PIP: variants seen among roughly 807,000 people sequenced by gnomAD.
PIP encodes prolactin induced protein.
PIP carries 9 observed loss-of-function variants against 12.8 expected under a neutral mutation model. That is an observed-to-expected ratio of 0.70 (90% confidence interval 0.42 to 1.23). The LOEUF (loss-of-function observed/expected upper bound fraction) is 1.23. PIP is among the 50% of genes most tolerant of loss of function. The pLI is 0.00. For synonymous variants in PIP, 60 were observed against 66.1 expected (o/e 0.91, Z 0.45); for missense variants, 172 against 179.5 (o/e 0.96, Z 0.24).
In PIP at chr7:143,139,662, C is replaced by T. The variant is rs750062333; in HGVS notation, c.*20C>T. On this transcript the variant is annotated 3_prime_UTR_variant, in exon 4 of 4. Coordinates refer to ENST00000291009, the MANE Select transcript of PIP (RefSeq NM_002652.3). ...GAATAATGGAAGCCCTGTCTGTTTG[C>T]CACACCCAGGTGATTTCCTCTAAAG... 6.3e-7 allele frequency: 1 copy of T among 1,597,836 alleles called. No individual in the cohort carries two copies. The highest frequency in any genetic ancestry group is 8.6e-7 in the Non-Finnish European group (1 of 1,166,956).
rs148631037 is a variant in PIP at position 143,135,808 on chromosome 7, T to G, written c.201+509T>G. On this transcript the variant is annotated intron_variant, in intron 2 of 3. Transcript: ENST00000291009. ...GCTCTGGGTCACCAGAAGTGGACTC[T>G]TGTTCCAGCCTCCCCACCCTGACAA... 4.2e-3 allele frequency among the ~76,000 whole-genome samples: 634 copies of G among 152,172 alleles called. 4 individuals are homozygous for G. Among genetic ancestry groups the G allele is most frequent in the African/African-American group, 0.014 (602 of 41,540 alleles).
chr7:143,137,956 C>T (rs559407277), intron 2 of PIP, among the ~76,000 whole-genome samples: 1 of 151,398 alleles, frequency 6.6e-6, no homozygotes. Context: ...AAAGAAACGC[C>T]AGGATTCTCC....
chr7:143,136,629 A>C (rs905695910), intron 2 of PIP, among the ~76,000 whole-genome samples: 1 of 152,042 alleles, frequency 6.6e-6, no homozygotes, highest in Non-Finnish European at 1.5e-5. Context: ...CATGTACATA[A>C]TGTGTACATA....
intron 2 of PIP, among the ~76,000 whole-genome samples, chr7:143,137,347 A>C (rs1799319302): frequency 6.6e-6 from 1 of 152,166 alleles, no homozygotes; most frequent in Non-Finnish European, 1.5e-5. Flanking sequence ...TTTGTGATGC[A>C]GTAAGGTATG....
Position 143,132,222 on chromosome 7 carries a change from C to T in PIP, c.95+11C>T. ...AGCTCAGGACAACACGTGAGCCATG[C>T]CCTTCTCCTCCCCACAAAAAAAATT... On this transcript the variant is annotated intron_variant, in intron 1 of 3. Transcript: ENST00000291009. 5 of 1,612,196 alleles carry T rather than the reference C, an allele frequency of 3.1e-6. No homozygotes were observed. Among genetic ancestry groups the T allele is most frequent in the Non-Finnish European group, 3.4e-6 (4 of 1,178,808 alleles).
Position 143,135,324 on chromosome 7 carries a change from C to T in PIP, c.201+25C>T, listed in dbSNP as rs766705997. ...GGTAAGTAGAGGACTGGGGGCGTGA[C>T]TTCAAAAGATAATTCAACTCCTTGA... On this transcript the variant is annotated intron_variant, in intron 2 of 3. Coordinates refer to ENST00000291009, the MANE Select transcript of PIP (RefSeq NM_002652.3). 6.6e-6 allele frequency: 7 copies of T among 1,058,014 alleles called. No homozygotes were observed. In the Admixed American group the frequency reaches 1.2e-4, roughly 18 times the overall value. The allele number at this position is 1,058,014 out of a possible 1,614,324, so 65.5% of individuals were successfully genotyped here.
chr7:143,139,200 A>G lies in PIP; in HGVS notation c.316+11A>G. 1 of 1,438,968 alleles carries G rather than the reference A, an allele frequency of 6.9e-7. No individual in the cohort carries two copies. The highest frequency in any genetic ancestry group is 9.8e-7 in the Non-Finnish European group (1 of 1,019,640). 89.1% of individuals were successfully genotyped at this position (1,438,968 alleles called of 1,614,324 possible). Reference sequence around the variant, plus strand: ...ACTTTTACACCAACAGTAAGTACAGAAGTTGTCCAAGGAGGGAACTACCCA... The same window carrying G: ...ACTTTTACACCAACAGTAAGTACAGGAGTTGTCCAAGGAGGGAACTACCCA... On this transcript the variant is annotated intron_variant, in intron 3 of 3. Coordinates refer to ENST00000291009, the MANE Select transcript of PIP (RefSeq NM_002652.3).
At chr7:143,137,977 G>C (rs1231111797) in intron 2 of PIP, among the ~76,000 whole-genome samples, 2 of 151,866 alleles carry the variant, frequency 1.3e-5, no homozygotes, top group Non-Finnish European at 2.9e-5. Context: ...AAGGCATTCT[G>C]AGTAAAACTC....
At chr7:143,134,445 A>C (rs315282) in intron 1 of PIP, among the ~76,000 whole-genome samples, 46,041 of 150,872 alleles carry the variant, frequency 0.31, 10,170 homozygotes, top group African/African-American at 0.62. Context: ...ACACTGTTTT[A>C]CATAGTGGTT....
At position 143,138,697 on chromosome 7, in the gene PIP, G is replaced by T. The variant is rs890466965; in HGVS notation, c.202-378G>T. 2.6e-5 allele frequency among the ~76,000 whole-genome samples: 4 copies of T among 152,128 alleles called. No individual in the cohort carries two copies. In the East Asian group the frequency reaches 7.7e-4, roughly 29 times the overall value. ...GCTCCTACACGCAAGTGGCCAGGCT[G>T]CTGTCTCACCAGGTCTCAGAGTAAA... is the stretch of plus-strand genomic sequence containing the variant. On this transcript the variant is annotated intron_variant, in intron 2 of 3. Transcript: ENST00000291009.
At chr7:143,137,554 A>G (rs1000641381) in intron 2 of PIP, among the ~76,000 whole-genome samples, 2 of 152,100 alleles carry the variant, frequency 1.3e-5, no homozygotes, top group African/African-American at 4.8e-5. Context: ...CTTTTATTGT[A>G]CAAGTGGTGT....
At position 143,139,547 on chromosome 7, in the gene PIP, G is replaced by A; in HGVS notation, c.346G>A (p.Val116Ile). The A allele has an allele frequency of 1.2e-6, 2 of 1,613,160 alleles. No homozygotes were observed. The highest frequency in any genetic ancestry group is 1.1e-5 in the South Asian group (1 of 91,070). The change falls in exon 4 of 4, where the codon GTT becomes ATT. Residue 116 changes from valine to isoleucine, a missense_variant. Transcript: ENST00000291009. Reference protein sequence around the residue: ...RTVQIAAVVDVIRELGICPDD... With the variant: ...RTVQIAAVVDIIRELGICPDD... ...TGTGCAAATTGCAGCCGTCGTTGAT[G>A]TTATTCGGGAATTAGGCATCTGCCC...
intron 2 of PIP, among the ~76,000 whole-genome samples, chr7:143,135,968 G>T (rs1000035657): frequency 1.3e-5 from 2 of 151,998 alleles, no homozygotes; most frequent in Non-Finnish European, 2.9e-5. Flanking sequence ...CATTCAGCAG[G>T]TCTGGGGAGA....
At chr7:143,139,477 C>G (rs200758998) in intron 3 of PIP, 41 bp from the exon 4 acceptor site, 1 of 1,607,546 alleles carries the variant, frequency 6.2e-7, no homozygotes, top group African/African-American at 1.3e-5. Context: ...AGGACATGGC[C>G]GGGGTGTCTG....
chr7:143,137,885 G>T (rs1799326816), intron 2 of PIP, among the ~76,000 whole-genome samples: 1 of 149,708 alleles, frequency 6.7e-6, no homozygotes, highest in South Asian at 2.1e-4. Context: ...GGGCAACAGA[G>T]TGAGACTCTG....
chr7:143,134,220 ATATATATATATAT>A (rs1563015837), intron 1 of PIP, among the ~76,000 whole-genome samples: 2,832 of 112,484 alleles, frequency 0.025, 107 homozygotes, highest in Middle Eastern at 0.038. Context: ...ATATATATAT[ATATATATATATAT>A]ACCACAGTTT....
At chr7:143,138,968 C>A in intron 2 of PIP, 107 bp from the exon 3 acceptor site, 2 of 700,802 alleles carry the variant, frequency 2.9e-6, no homozygotes, top group Non-Finnish European at 5.2e-6. Flanking sequence ...CCTAGGCCCA[C>A]CTCCACCCCC....
Position 143,132,134 on chromosome 7 carries a change from C to T in PIP, c.18C>T (p.Leu6=), listed in dbSNP as rs949360001. The part of the protein sequence containing the change: MRLLQ[L]LFRASPATLL... ...TCTCCAGCATGCGCTTGCTCCAGCT[C>T]CTGTTCAGGGCCAGCCCTGCCACCC... The change falls in exon 1 of 4, where the codon CTC becomes CTT. Residue 6 remains leucine, a synonymous_variant. Coordinates refer to ENST00000291009, the MANE Select transcript of PIP (RefSeq NM_002652.3). 6.2e-7 allele frequency: 1 copy of T among 1,612,586 alleles called. No individual in the cohort carries two copies. Among genetic ancestry groups the T allele is most frequent in the Non-Finnish European group, 8.5e-7 (1 of 1,178,624 alleles).
At chr7:143,133,054 C>T (rs1586367018) in intron 1 of PIP, among the ~76,000 whole-genome samples, 1 of 151,980 alleles carries the variant, frequency 6.6e-6, no homozygotes, top group African/African-American at 2.4e-5. Context: ...AGAAACCCTG[C>T]ATGGGGACAG....
Sources: gnomAD v4.1 joint callset for allele counts (sites outside exome capture counted in the v4.1 genomes callset) on GRCh38, gnomAD v4.1.1 for gene constraint, MANE v1.5 for transcripts, NCBI Gene and HGNC (gene_info 2026-07-23, HGNC 2026-07-21) for gene names.